SPATA13: variants seen among roughly 807,000 people sequenced by gnomAD.
SPATA13 encodes spermatogenesis-associated protein 13.
SPATA13 carries 50 observed loss-of-function variants against 104.0 expected under a neutral mutation model. That is an observed-to-expected ratio of 0.48 (90% CI 0.38 to 0.61). SPATA13 has a LOEUF of 0.61. Among genes scored for constraint, SPATA13 ranks in the 20% least tolerant of loss-of-function variants. The pLI is 0.00. For missense variants in SPATA13, 1,524 were observed against 1,690.6 expected, an observed-to-expected ratio of 0.90 and a Z score of 1.73; for synonymous variants, 606 against 667.5, an observed-to-expected ratio of 0.91 and a Z score of 1.42.
intron 4 of SPATA13, among the ~76,000 whole-genome samples, chr13:24,281,591 T>A (rs908724591): frequency 6.6e-6 from 1 of 152,094 alleles, no homozygotes; most frequent in African/African-American, 2.4e-5. Flanking sequence ...TCTCCTGGAA[T>A]CACAGAAGGG....
intron 3 of SPATA13, chr13:24,122,758 C>T: frequency 1.2e-6 from 1 of 819,518 alleles, no homozygotes. Flanking sequence ...TGCTGGAAGA[C>T]TTCAAATACA....
intron 1 of SPATA13, among the ~76,000 whole-genome samples, chr13:24,191,513 T>C (rs985770979): frequency 7.9e-6 from 1 of 126,454 alleles, no homozygotes; most frequent in African/African-American, 3.4e-5. Context: ...TTTTTTTTTT[T>C]TTTTTTTTTT....
chr13:24,232,565 AG>A (rs1872338399), intron 2 of SPATA13, among the ~76,000 whole-genome samples: 1 of 152,166 alleles, frequency 6.6e-6, no homozygotes, highest in African/African-American at 2.4e-5. Context: ...TTTTTGAGAC[AG>A]GGTCTCACTC....
intron 3 of SPATA13, among the ~76,000 whole-genome samples, chr13:24,111,450 G>A (rs1401402696): frequency 2.4e-5 from 3 of 126,944 alleles, no homozygotes; most frequent in Non-Finnish European, 4.8e-5. Context: ...CTCTGTCACC[G>A]AGGCTGAAGT....
intron 3 of SPATA13, among the ~76,000 whole-genome samples, chr13:24,046,668 A>T (rs1878161090): frequency 6.6e-6 from 1 of 151,794 alleles, no homozygotes; most frequent in Admixed American, 6.6e-5. Flanking sequence ...TATAATACCG[A>T]AATTTATTAA....
At chr13:24,122,197 T>C (rs1297932354) in intron 3 of SPATA13, 2 of 1,484,968 alleles carry the variant, frequency 1.3e-6, no homozygotes, top group Non-Finnish European at 1.9e-6. Flanking sequence ...CCAGCATTGC[T>C]ATATACTGTA....
Position 24,249,839 on chromosome 13 carries a change from C to T in SPATA13, c.2016C>T (p.Thr672=). The change falls in exon 3 of 13, where the codon ACC becomes ACT. Residue 672 remains threonine, a synonymous_variant. Coordinates refer to ENST00000382108, the MANE Select transcript of SPATA13 (RefSeq NM_001166271.3). ...CGGAGGAACTGGACAATCTTCTGAC[C>T]CAAGTAAGATCTGGTGTGCACTTCC... ...NQTEELDNLL[T]QPASRPPMPA... 1 of 1,596,820 alleles carries T rather than the reference C, an allele frequency of 6.3e-7. No individual in the cohort carries two copies. The highest frequency in any genetic ancestry group is 8.5e-7 in the Non-Finnish European group (1 of 1,170,880).
At chr13:24,295,788 A>G (rs939008076) in intron 10 of SPATA13, among the ~76,000 whole-genome samples, 4 of 152,002 alleles carry the variant, frequency 2.6e-5, no homozygotes, top group Non-Finnish European at 5.9e-5. Flanking sequence ...ACATATATGA[A>G]CTCATTTAAT....
At chr13:24,100,465 G>A (rs758414234) in intron 3 of SPATA13, among the ~76,000 whole-genome samples, 1 of 151,980 alleles carries the variant, frequency 6.6e-6, no homozygotes, top group Non-Finnish European at 1.5e-5. Context: ...TCTCACTCTC[G>A]CTCTCACTCC....
At chr13:24,256,458 A>G (rs1436929926) in intron 4 of SPATA13, among the ~76,000 whole-genome samples, 1 of 152,248 alleles carries the variant, frequency 6.6e-6, no homozygotes, top group Non-Finnish European at 1.5e-5. Flanking sequence ...TAAATATTGT[A>G]CAATTATTAT....
At chr13:24,084,284 A>G (rs893561766) in intron 3 of SPATA13, among the ~76,000 whole-genome samples, 2 of 152,186 alleles carry the variant, frequency 1.3e-5, no homozygotes, top group African/African-American at 4.8e-5. Context: ...GCTGGTGGGG[A>G]AAAGGGTCTC....
chr13:24,289,462 A>T (rs1383013724), intron 8 of SPATA13, among the ~76,000 whole-genome samples: 1 of 152,218 alleles, frequency 6.6e-6, no homozygotes, highest in African/African-American at 2.4e-5. Flanking sequence ...TCTAAGGGTT[A>T]TGCCATAAGA....
chr13:24,135,206 C>T (rs1176859414), intron 3 of SPATA13, among the ~76,000 whole-genome samples: 2 of 128,068 alleles, frequency 1.6e-5, no homozygotes, highest in African/African-American at 6.1e-5. Flanking sequence ...CAAATGAATA[C>T]ACTCATTATT....
At chr13:24,105,728 C>T (rs1034735689) in intron 3 of SPATA13, among the ~76,000 whole-genome samples, 2 of 152,134 alleles carry the variant, frequency 1.3e-5, no homozygotes, top group Admixed American at 6.5e-5. Context: ...CCCTAATCCC[C>T]AGTACCTCCA....
intron 11 of SPATA13, among the ~76,000 whole-genome samples, chr13:24,298,062 T>C (rs1566202946): frequency 6.6e-6 from 1 of 152,238 alleles, no homozygotes; most frequent in Non-Finnish European, 1.5e-5. Flanking sequence ...AATTGAGGCT[T>C]ATGGAACTGG....
chr13:24,242,061 TGAAAA>T (rs1318931839), intron 2 of SPATA13, among the ~76,000 whole-genome samples: 1 of 148,644 alleles, frequency 6.7e-6, no homozygotes, highest in Non-Finnish European at 1.5e-5. Flanking sequence ...AAAAAAAAAA[TGAAAA>T]AAGAAAAGAA....
chr13:24,128,300 C>T (rs964230931), intron 3 of SPATA13, among the ~76,000 whole-genome samples: 1 of 152,206 alleles, frequency 6.6e-6, no homozygotes, highest in Non-Finnish European at 1.5e-5. Context: ...ATTGTGGCTT[C>T]ATCACCAGAA....
intron 3 of SPATA13, among the ~76,000 whole-genome samples, chr13:24,055,220 A>G (rs892661513): frequency 6.6e-5 from 10 of 152,198 alleles, no homozygotes; most frequent in Admixed American, 4.6e-4. Flanking sequence ...ATCAGTTTCT[A>G]TCTTGTTGTT....
intron 4 of SPATA13, chr13:24,270,979 T>C (rs931157989): frequency 8.4e-7 from 1 of 1,195,090 alleles, no homozygotes; most frequent in Admixed American, 1.7e-5. Context: ...CCTTCCCAAG[T>C]TGCAGTTCTT....
Sources: gnomAD v4.1 joint callset for allele counts (sites outside exome capture counted in the v4.1 genomes callset) on GRCh38, gnomAD v4.1.1 for gene constraint, MANE v1.5 for transcripts, NCBI Gene and HGNC (gene_info 2026-07-23, HGNC 2026-07-21) for gene names.